The following IL36RN variants were observed in gnomAD, a reference collection of about 807,000 sequenced individuals.
IL36RN encodes the protein interleukin 36 receptor antagonist, also known as interleukin-36 receptor antagonist protein.
A neutral mutation model predicts 13.0 loss-of-function variants in IL36RN; 11 were observed. The observed-to-expected ratio is 0.85, with a 90% CI of 0.53 to 1.40. IL36RN has a LOEUF of 1.40. IL36RN is among the 40% of genes most tolerant of loss of function. The pLI is 0.00. For synonymous variants in IL36RN, 94 were observed against 84.1 expected, an observed-to-expected ratio of 1.12 and a Z score of -0.64; for missense variants, 195 against 195.3, an observed-to-expected ratio of 1.00 and a Z score of 0.01.
chr2:113,062,769 C>T lies in IL36RN; in HGVS notation c.*92C>T, dbSNP rs1685669976. 8.8e-7 allele frequency: 1 copy of T among 1,130,120 alleles called. No homozygotes were observed. The highest frequency in any genetic ancestry group is 1.3e-6 in the Non-Finnish European group (1 of 774,242). The allele number at this position is 1,130,120 out of a possible 1,614,324, so 70.0% of individuals were successfully genotyped here. A position where few individuals can be genotyped will look rare whatever the true frequency, so the allele number is the denominator to read the frequency against. On this transcript the variant is annotated 3_prime_UTR_variant, in exon 5 of 5. Transcript: ENST00000393200. ...ATGGCGGACAATCACTCTCTCTGCT[C>T]TCAGGACCCCCACGTCTGACTTAGT... is the stretch of plus-strand genomic sequence containing the variant.
In IL36RN at chr2:113,062,202, G is replaced by A. The variant is rs781328070; in HGVS notation, c.194G>A (p.Ser65Asn). The A allele has an allele frequency of 1.7e-5, 28 of 1,613,984 alleles. No individual in the cohort carries two copies. The East Asian group carries it at 3.1e-4, about 18-fold the overall frequency. ...GTCATCCTGGGTGTCCAGGGTGGAA[G>A]CCAGTGCCTGTCATGTGGGGTGGGG... ...SPVILGVQGG[S>N]QCLSCGVGQE... Residue 65 changes from serine to asparagine, a missense_variant, in exon 4 of 5, where the codon AGC becomes AAC. Ser to Asn is a conservative substitution (Grantham distance 46, BLOSUM62 1). Coordinates refer to ENST00000393200, the MANE Select transcript of IL36RN (RefSeq NM_012275.3).
In IL36RN at chr2:113,062,715, C is replaced by G; in HGVS notation, c.*38C>G. On this transcript the variant is annotated 3_prime_UTR_variant, in exon 5 of 5. Transcript: ENST00000393200. ...CCCAGAACTCCCTGGGCAGAGCCAG[C>G]TCGGGTGAGGGGTGAGTGGAGGAGA... is the stretch of plus-strand genomic sequence containing the variant. 1 of 1,569,412 alleles carries G rather than the reference C, an allele frequency of 6.4e-7. No homozygotes were observed.
chr2:113,062,083 G>A (rs748924404), intron 3 of IL36RN, 41 bp from the exon 4 acceptor site: 1 of 1,608,214 alleles, frequency 6.2e-7, no homozygotes, highest in Non-Finnish European at 8.5e-7. Context: ...AAGAAGGAGG[G>A]AAAGGCATCC....
rs1685679481 is a variant in IL36RN at position 113,063,214 on chromosome 2, CTTG to C, written c.*542_*544del. 1 of 180,070 alleles carries C rather than the reference CTTG, an allele frequency of 5.6e-6. No homozygotes were observed. The highest frequency in any genetic ancestry group is 2.4e-5 in the African/African-American group (1 of 42,304). 11.2% of individuals were successfully genotyped at this position (180,070 alleles called of 1,614,324 possible). Reference sequence around the variant, plus strand: ...CCTTTCCTATCTCTTCCCTCATCATCTTGTTGTGGGCATGAGGAGGTGCTGATG... The same window carrying C: ...CCTTTCCTATCTCTTCCCTCATCATCTTGTGGGCATGAGGAGGTGCTGATG... On this transcript the variant is annotated 3_prime_UTR_variant, in exon 5 of 5. Coordinates refer to ENST00000393200, the MANE Select transcript of IL36RN (RefSeq NM_012275.3).
chr2:113,059,317 C>A, intron 1 of IL36RN, 76 bp downstream of exon 1: 1 of 1,075,838 alleles, frequency 9.3e-7, no homozygotes, highest in South Asian at 1.3e-5. Context: ...GGAGGCTGTT[C>A]ACATGCTGGG....
Position 113,062,857 on chromosome 2 carries a change from G to T in IL36RN, c.*180G>T. 1.5e-6 allele frequency: 1 copy of T among 666,134 alleles called. No individual in the cohort carries two copies. Among genetic ancestry groups the T allele is most frequent in the Admixed American group, 2.1e-5 (1 of 47,412 alleles). The allele number at this position is 666,134 out of a possible 1,614,324, so 41.3% of individuals were successfully genotyped here. ...GATAAATTCTGAGATTTGGAGCTCA[G>T]TCCACGGTCCTCCCCCACTGGATGG... On this transcript the variant is annotated 3_prime_UTR_variant, in exon 5 of 5. Transcript: ENST00000393200.
At chr2:113,060,582 G>A (rs1334782235) in intron 2 of IL36RN, among the ~76,000 whole-genome samples, 5 of 152,188 alleles carry the variant, frequency 3.3e-5, no homozygotes, top group African/African-American at 1.2e-4. Context: ...TCACCGTGCA[G>A]CTTCTCTTCC....
Position 113,062,554 on chromosome 2 carries a change from C to T in IL36RN, c.345C>T (p.Ala115=). The T allele has an allele frequency of 6.2e-7, 1 of 1,614,070 alleles. No individual in the cohort carries two copies. Among genetic ancestry groups the T allele is most frequent in the East Asian group, 2.2e-5 (1 of 44,880 alleles). ...MGLTSSFESA[A]YPGWFLCTVP... ...TCACCTCCAGCTTCGAGTCGGCTGC[C>T]TACCCGGGCTGGTTCCTGTGCACGG... The change falls in exon 5 of 5, where the codon GCC becomes GCT. Residue 115 remains alanine (A), a synonymous_variant. Transcript: ENST00000393200.
chr2:113,060,985 A>C, intron 3 of IL36RN, 48 bp downstream of exon 3: 17 of 1,410,192 alleles, frequency 1.2e-5, no homozygotes, highest in Non-Finnish European at 1.6e-5. Flanking sequence ...ATACACTCTC[A>C]GGGGAGGGGG....
intron 1 of IL36RN, 47 bp from the exon 2 acceptor site, chr2:113,059,363 CCA>C: frequency 1.3e-6 from 2 of 1,540,414 alleles, no homozygotes; most frequent in Non-Finnish European, 1.8e-6. Flanking sequence ...CAGACCCCAG[CCA>C]ACTCAGCCTC....
At chr2:113,059,335 G>C in intron 1 of IL36RN, 77 bp from the exon 2 acceptor site, 1 of 1,287,028 alleles carries the variant, frequency 7.8e-7, no homozygotes, top group South Asian at 1.2e-5. Context: ...GGGGAGCTCG[G>C]TGCAGCTGCT....
rs1265230096 is a variant in IL36RN, at chr2:113,062,208, G to T, written c.200G>T (p.Cys67Phe). Residue 67 changes from cysteine to phenylalanine, a missense_variant, in exon 4 of 5, where the codon TGC becomes TTC. Transcript: ENST00000393200. ...CTGGGTGTCCAGGGTGGAAGCCAGTGCCTGTCATGTGGGGTGGGGCAGGAG... is the reference window on the plus strand; with the variant it reads ...CTGGGTGTCCAGGGTGGAAGCCAGTTCCTGTCATGTGGGGTGGGGCAGGAG... ...VILGVQGGSQ[C>F]LSCGVGQEPT... 3.1e-6 allele frequency: 5 copies of T among 1,613,984 alleles called. No individual in the cohort carries two copies. The Admixed American group carries it at 6.7e-5, about 22-fold the overall frequency.
intron 4 of IL36RN, 66 bp from the exon 5 acceptor site, chr2:113,062,387 A>T (rs374135503): frequency 1.5e-5 from 24 of 1,605,614 alleles, no homozygotes; most frequent in Non-Finnish European, 2.0e-5. Context: ...CTCCCTAAGG[A>T]TCCTGCCCAG....
chr2:113,062,610 C>A lies in IL36RN; in HGVS notation c.401C>A (p.Thr134Asn), dbSNP rs758638751. The A allele has an allele frequency of 2.5e-6, 4 of 1,613,450 alleles. No homozygotes were observed. In the African/African-American group the frequency reaches 4.0e-5, roughly 16 times the overall value. Residue 134 changes from threonine (T) to asparagine (N), a missense_variant, in exon 5 of 5, where the codon ACC becomes AAC. Transcript: ENST00000393200. ...VPEADQPVRL[T>N]QLPENGGWNA... Reference sequence around the variant, plus strand: ...GAAGCCGATCAGCCTGTCAGACTCACCCAGCTTCCCGAGAATGGTGGCTGG... The same window carrying A: ...GAAGCCGATCAGCCTGTCAGACTCAACCAGCTTCCCGAGAATGGTGGCTGG...
chr2:113,062,023 G>C lies in IL36RN; in HGVS notation c.116-101G>C, dbSNP rs1264342481. 33 of 1,510,022 alleles carry C rather than the reference G, an allele frequency of 2.2e-5. 1 individual carries two copies. The South Asian group carries it at 3.8e-4, about 18-fold the overall frequency. 93.5% of individuals were successfully genotyped at this position (1,510,022 alleles called of 1,614,324 possible). A position where few individuals can be genotyped will look rare whatever the true frequency, so the allele number is the denominator to read the frequency against. On this transcript the variant is annotated intron_variant, in intron 3 of 4. Transcript: ENST00000393200. ...AGAAGCCTCCCTTCTGCCCAGCCTG[G>C]GGGCAGGCCGTCTTACAGCAGTCCT...
chr2:113,059,595 A>G, intron 2 of IL36RN, 128 bp downstream of exon 2: 1 of 1,050,666 alleles, frequency 9.5e-7, no homozygotes. Context: ...AATTGTGACC[A>G]GCACCTCACT....
rs551355638 is a variant in IL36RN, at chr2:113,064,093, A to G, written c.*1416A>G. 6.6e-6 allele frequency: 1 copy of G among 152,308 alleles called. No individual in the cohort carries two copies. Among genetic ancestry groups the G allele is most frequent in the East Asian group, 1.9e-4 (1 of 5,180 alleles). The allele number at this position is 152,308 out of a possible 1,614,324, so 9.4% of individuals were successfully genotyped here. A position where few individuals can be genotyped will look rare whatever the true frequency, so the allele number is the denominator to read the frequency against. ...AGAGGAGATGCGGGGAAGACTATGT[A>G]AAGATGAAGGCAGAGATCGGAGTTT... On this transcript the variant is annotated 3_prime_UTR_variant, in exon 5 of 5. Transcript: ENST00000393200.
chr2:113,058,648 AC>A (rs1305886192), upstream of IL36RN: 1 of 152,192 alleles, frequency 6.6e-6, no homozygotes, highest in East Asian at 1.9e-4. Context: ...GGAGAGTCCC[AC>A]CTCTAACATC....
Position 113,060,924 on chromosome 2 carries a change from G to A in IL36RN, c.102G>A (p.Gly34=), listed in dbSNP as rs941319736. The A allele has an allele frequency of 9.3e-6, 15 of 1,613,800 alleles. No homozygotes were observed. Among genetic ancestry groups the A allele is most frequent in the African/African-American group, 5.3e-5 (4 of 74,920 alleles). The stretch of plus-strand genomic sequence containing the variant: ...TTCTAGCTGGAGGGCTGCATGCAGG[G>A]AAGGTCATTAAAGGTTGGTGATGAA... ...NQLLAGGLHA[G]KVIKGEEISV... is the part of the protein sequence containing the mutation. The change falls in exon 3 of 5, where the codon GGG becomes GGA. Residue 34 remains glycine, a synonymous_variant. Coordinates refer to ENST00000393200, the MANE Select transcript of IL36RN (RefSeq NM_012275.3).
Sources: allele counts gnomAD v4.1 joint callset (sites outside exome capture counted in the v4.1 genomes callset), GRCh38; gene constraint gnomAD v4.1.1; transcripts MANE v1.5; gene names NCBI Gene and HGNC (gene_info 2026-07-23, HGNC 2026-07-21).